Variants in ZNF69 observed in about 807,000 individuals in gnomAD.
ZNF69 encodes the protein zinc finger protein 69.
A neutral mutation model predicts 50.9 loss-of-function variants in ZNF69; 47 were observed. The ratio of observed to expected loss-of-function variants is 0.92; its 90% CI spans 0.73 to 1.18. ZNF69 has a LOEUF of 1.18. Ranked by LOEUF, ZNF69 falls within the 50% of genes most tolerant of loss-of-function variation. The pLI is 0.00. For synonymous variants in ZNF69, 216 were observed against 223.1 expected, an observed-to-expected ratio of 0.97 and a Z score of 0.29; for missense variants, 717 against 675.1, an observed-to-expected ratio of 1.06 and a Z score of -0.69.
At chr19:11,916,862 G>T (rs1972527019), downstream of ZNF69, among the ~76,000 whole-genome samples, 1 of 151,992 alleles carries the variant, frequency 6.6e-6, no homozygotes, top group Non-Finnish European at 1.5e-5. Context: ...AAGGATGGGG[G>T]ATTTCATGAA....
chr19:11,923,870 G>T, the ZNF69 span, among the ~76,000 whole-genome samples: 2 of 152,180 alleles, frequency 1.3e-5, no homozygotes, highest in African/African-American at 4.8e-5. Flanking sequence ...AGTCTCTGCA[G>T]CCTGCAAAGG....
At chr19:11,926,046 G>A in the ZNF69 span, among the ~76,000 whole-genome samples, 1,416 of 152,268 alleles carry the variant, frequency 9.3e-3, 20 homozygotes, top group African/African-American at 0.032. Context: ...AGCTGGTTGA[G>A]AGTGTGAAGT....
At position 11,905,828 on chromosome 19, in the gene ZNF69, T is replaced by C. The variant is rs771242313; in HGVS notation, c.1431T>C (p.Pro477=). 3.9e-5 allele frequency: 63 copies of C among 1,613,260 alleles called. No homozygotes were observed. The highest frequency in any genetic ancestry group is 5.0e-5 in the Non-Finnish European group (59 of 1,179,900). Reference sequence around the variant, plus strand: ...TAAGAATACACTCTGGAGAAAGACCTTATAAATGTAAGCTATGTGGGAAAG... The same window carrying C: ...TAAGAATACACTCTGGAGAAAGACCCTATAAATGTAAGCTATGTGGGAAAG... The part of the protein sequence containing the change: ...THVRIHSGER[P]YKCKLCGKGF... The change falls in exon 4 of 4, where the codon CCT becomes CCC. Residue 477 remains proline (P), a synonymous_variant. Transcript: ENST00000429654.
Position 11,903,544 on chromosome 19 carries a change from T to G in ZNF69, c.64-29T>G, listed in dbSNP as rs559601442. 4.0e-4 allele frequency: 641 copies of G among 1,612,520 alleles called. 2 individuals are homozygous for G. In the African/African-American group the frequency reaches 7.0e-3, roughly 18 times the overall value. On this transcript the variant is annotated intron_variant, in intron 1 of 3. Coordinates refer to ENST00000429654, the MANE Select transcript of ZNF69 (RefSeq NM_001364730.1). ...CCCCCAGTGCTGTCACTCTCACCCATCCTCCTCTACACATGTGAGATGTTT... is the reference window on the plus strand; with the variant it reads ...CCCCCAGTGCTGTCACTCTCACCCAGCCTCCTCTACACATGTGAGATGTTT...
rs193094695 is a variant in ZNF69, at chr19:11,906,658, C to G, written c.*560C>G. On this transcript the variant is annotated 3_prime_UTR_variant, in exon 4 of 4. Coordinates refer to ENST00000429654, the MANE Select transcript of ZNF69 (RefSeq NM_001364730.1). ...TAACAAACAGAAAGGACAACCACAC[C>G]AAAACCCATCTGTACATCACCATCA... Among the ~76,000 whole-genome samples the G allele has an allele frequency of 3.9e-5, 6 of 152,230 alleles. No homozygotes were observed. Among genetic ancestry groups the G allele is most frequent in the African/African-American group, 1.2e-4 (5 of 41,542 alleles).
Position 11,905,289 on chromosome 19 carries a change from C to T in ZNF69, c.892C>T (p.His298Tyr). 1 of 1,614,104 alleles carries T rather than the reference C, an allele frequency of 6.2e-7. No individual in the cohort carries two copies. ...ATGCTATCGTAGACATGAAAGGATT[C>T]ACACGGGAGAGAAGGCTTATCAATG... is the stretch of plus-strand genomic sequence containing the variant. ...PRCYRRHERI[H>Y]TGEKAYQCKE... The change falls in exon 4 of 4, where the codon CAC (histidine) becomes TAC (tyrosine). Residue 298 changes from histidine (H) to tyrosine (Y), a missense_variant. By Grantham distance (83) the His-to-Tyr change is moderately conservative. Transcript: ENST00000429654.
intron 1 of ZNF69, among the ~76,000 whole-genome samples, chr19:11,902,278 G>A (rs540121070): frequency 3.9e-4 from 60 of 152,236 alleles, no homozygotes; most frequent in African/African-American, 1.1e-3. Flanking sequence ...CACCATGCCC[G>A]GCTAAGATGT....
At chr19:11,948,956 G>T in the ZNF69 span, 1 of 1,608,348 alleles carries the variant, frequency 6.2e-7, no homozygotes, top group Non-Finnish European at 8.5e-7. Context: ...TGCAAAGAAT[G>T]TGGAAAAGCA....
intron 1 of ZNF69, among the ~76,000 whole-genome samples, chr19:11,891,318 T>A (rs1434990417): frequency 6.7e-6 from 1 of 149,252 alleles, no homozygotes; most frequent in Non-Finnish European, 1.5e-5. Flanking sequence ...TTCCACGTAC[T>A]CGGGAGGCAA....
At chr19:11,925,306 G>T in the ZNF69 span, 1 of 1,607,828 alleles carries the variant, frequency 6.2e-7, no homozygotes, top group African/African-American at 1.3e-5. Flanking sequence ...CGTGAGACGG[G>T]GGAGGGGCTG....
the ZNF69 span, chr19:11,946,638 T>A: frequency 6.6e-6 from 1 of 152,380 alleles, no homozygotes; most frequent in Non-Finnish European, 1.5e-5. Flanking sequence ...CCAGGCTTCC[T>A]TCTGATGGCC....
the ZNF69 span, among the ~76,000 whole-genome samples, chr19:11,943,589 G>A: frequency 6.6e-6 from 1 of 152,106 alleles, no homozygotes; most frequent in Admixed American, 6.5e-5. Flanking sequence ...GCTCAGATGG[G>A]TTATGGTACA....
At chr19:11,904,057 G>A (rs908255536) in intron 3 of ZNF69, 92 bp downstream of exon 3, 30 of 1,420,832 alleles carry the variant, frequency 2.1e-5, no homozygotes, top group East Asian at 7.2e-5. Context: ...CTAAGTCCAG[G>A]ATCAAATACA....
At chr19:11,930,519 T>TA in the ZNF69 span, among the ~76,000 whole-genome samples, 2 of 148,520 alleles carry the variant, frequency 1.3e-5, no homozygotes, top group Non-Finnish European at 2.9e-5. Flanking sequence ...TAAGGTAACA[T>TA]ATCAATATAA....
At chr19:11,894,502 G>T (rs1348336807) in intron 1 of ZNF69, among the ~76,000 whole-genome samples, 3 of 152,182 alleles carry the variant, frequency 2.0e-5, no homozygotes, top group Non-Finnish European at 2.9e-5. Flanking sequence ...ACTTCAAAGG[G>T]TATTGTGTCT....
chr19:11,950,343 T>A, the ZNF69 span: 1 of 1,316,570 alleles, frequency 7.6e-7, no homozygotes, highest in Non-Finnish European at 1.1e-6. Context: ...CATTTTCCAG[T>A]TCTTTTCGAT....
the ZNF69 span, among the ~76,000 whole-genome samples, chr19:11,922,926 C>A: frequency 6.6e-6 from 1 of 151,908 alleles, no homozygotes; most frequent in Non-Finnish European, 1.5e-5. Context: ...GATCCTCCTG[C>A]CTCAGCCTCC....
At chr19:11,947,627 T>C in the ZNF69 span, 4 of 1,462,474 alleles carry the variant, frequency 2.7e-6, no homozygotes, top group Non-Finnish European at 3.8e-6. Flanking sequence ...TCTTAGAATA[T>C]GAGAATATGT....
the ZNF69 span, among the ~76,000 whole-genome samples, chr19:11,927,037 T>G: frequency 1.3e-5 from 2 of 152,196 alleles, no homozygotes; most frequent in African/African-American, 2.4e-5. Context: ...AGTCACAAAG[T>G]GCAGTGAGAA....
Sources: allele counts gnomAD v4.1 joint callset (sites outside exome capture counted in the v4.1 genomes callset), GRCh38; gene constraint gnomAD v4.1.1; transcripts MANE v1.5; gene names NCBI Gene and HGNC (gene_info 2026-07-23, HGNC 2026-07-21).